Variants in PRIM2 observed in about 807,000 individuals in gnomAD.
PRIM2 encodes DNA primase large subunit.
PRIM2 carries 39 observed loss-of-function variants against 67.3 expected under a neutral mutation model. That is an observed-to-expected ratio of 0.58 (90% CI 0.45 to 0.76). PRIM2 has a LOEUF of 0.76. Ranked by LOEUF, PRIM2 falls within the 30% of genes least tolerant of loss-of-function variation. The probability of loss-of-function intolerance (pLI) is 0.00; values close to 1 mark genes in which losing one functional copy is unlikely to be tolerated. For missense variants in PRIM2, 398 were observed against 598.7 expected (o/e 0.66, Z 3.50); for synonymous variants, 143 against 198.7 (o/e 0.72, Z 2.36).
At chr6:57,227,001 T>C in the PRIM2 span, among the ~76,000 whole-genome samples, 1 of 152,212 alleles carries the variant, frequency 6.6e-6, no homozygotes, top group African/African-American at 2.4e-5. Flanking sequence ...TATTATGGTC[T>C]AGTGTGTTCC....
chr6:57,289,969 T>G, the PRIM2 span, among the ~76,000 whole-genome samples: 1 of 152,220 alleles, frequency 6.6e-6, no homozygotes, highest in Non-Finnish European at 1.5e-5. Context: ...TAACCTTAAA[T>G]GTAAATGGGC....
In PRIM2 at chr6:57,555,755, A is replaced by G. The variant is rs1392045460; in HGVS notation, c.1020+18130A>G. The stretch of plus-strand genomic sequence containing the variant: ...GGATGGGCCATACCACAAACACTAG[A>G]TAAGCTTTATGACATTGTCTTCTTC... On this transcript the variant is annotated intron_variant, in intron 10 of 13. Coordinates refer to ENST00000615550, the MANE Select transcript of PRIM2 (RefSeq NM_000947.5). 2.6e-5 allele frequency among the ~76,000 whole-genome samples: 4 copies of G among 152,270 alleles called. No homozygotes were observed. The East Asian group carries it at 7.7e-4, about 29-fold the overall frequency.
intron 7 of PRIM2, among the ~76,000 whole-genome samples, chr6:57,415,386 T>TA (rs1771226977): frequency 6.6e-6 from 1 of 152,224 alleles, no homozygotes. Flanking sequence ...ATGTAAAACT[T>TA]ATGTTTACAA....
At chr6:57,610,505 A>G (rs1329910809) in intron 12 of PRIM2, among the ~76,000 whole-genome samples, 18 of 152,242 alleles carry the variant, frequency 1.2e-4, no homozygotes, top group African/African-American at 4.3e-4. Flanking sequence ...TAACCTTAAT[A>G]TGTTACAAAA....
At chr6:57,380,583 A>G (rs1769928742) in intron 6 of PRIM2, among the ~76,000 whole-genome samples, 1 of 152,174 alleles carries the variant, frequency 6.6e-6, no homozygotes, top group Non-Finnish European at 1.5e-5. Flanking sequence ...AAGAGGGAAG[A>G]GTTTAAATTC....
intron 10 of PRIM2, among the ~76,000 whole-genome samples, chr6:57,588,871 A>G (rs1776239702): frequency 1.3e-5 from 2 of 152,182 alleles, no homozygotes; most frequent in African/African-American, 2.4e-5. Context: ...CTGTTTGGAA[A>G]GTCAGTTCCA....
chr6:57,314,068 C>G (rs1045265466), upstream of PRIM2, among the ~76,000 whole-genome samples: 2 of 152,194 alleles, frequency 1.3e-5, no homozygotes, highest in African/African-American at 4.8e-5. Context: ...ACAGGCTAAA[C>G]TAGGAAGCCA....
At chr6:57,288,896 C>T in the PRIM2 span, among the ~76,000 whole-genome samples, 18 of 152,188 alleles carry the variant, frequency 1.2e-4, no homozygotes, top group Admixed American at 1.1e-3. Flanking sequence ...CACCTCTTCT[C>T]CTCCAAAGGA....
chr6:57,536,019 C>T (rs1250466692), intron 9 of PRIM2, among the ~76,000 whole-genome samples: 1 of 152,070 alleles, frequency 6.6e-6, no homozygotes, highest in Non-Finnish European at 1.5e-5. Context: ...CAAAAATGGT[C>T]TCATGAAAAG....
chr6:57,261,506 T>C, the PRIM2 span, among the ~76,000 whole-genome samples: 1 of 152,200 alleles, frequency 6.6e-6, no homozygotes, highest in Non-Finnish European at 1.5e-5. Flanking sequence ...TTCTCTGTGA[T>C]ACGGAACAGG....
At chr6:57,323,891 A>G (rs1441195010) in intron 3 of PRIM2, among the ~76,000 whole-genome samples, 2 of 152,114 alleles carry the variant, frequency 1.3e-5, no homozygotes, top group African/African-American at 4.8e-5. Flanking sequence ...GTTCATAACC[A>G]GCCTAGGCAA....
intron 11 of PRIM2, among the ~76,000 whole-genome samples, chr6:57,602,498 A>C (rs1473794973): frequency 4.6e-5 from 7 of 152,186 alleles, no homozygotes; most frequent in Non-Finnish European, 8.8e-5. Context: ...TGTCTTCTAA[A>C]GTTTGAAAAC....
intron 7 of PRIM2, among the ~76,000 whole-genome samples, chr6:57,454,772 T>A (rs1201689962): frequency 1.3e-5 from 2 of 152,226 alleles, no homozygotes; most frequent in Non-Finnish European, 2.9e-5. Flanking sequence ...GGTTTTTTTG[T>A]GTCTCTATTT....
chr6:57,283,934 A>G, the PRIM2 span, among the ~76,000 whole-genome samples: 5 of 152,122 alleles, frequency 3.3e-5, no homozygotes, highest in Admixed American at 3.3e-4. Context: ...CCTTTTAAGT[A>G]GGGTGATTAT....
At chr6:57,257,564 C>T in the PRIM2 span, among the ~76,000 whole-genome samples, 1 of 152,146 alleles carries the variant, frequency 6.6e-6, no homozygotes, top group Non-Finnish European at 1.5e-5. Context: ...AGCCATCGCG[C>T]CCAGACTGTA....
intron 7 of PRIM2, among the ~76,000 whole-genome samples, chr6:57,489,309 C>A (rs1330864641): frequency 1.3e-5 from 2 of 152,204 alleles, no homozygotes; most frequent in African/African-American, 2.4e-5. Context: ...GTAATCCCAG[C>A]ACTTTGGGAG....
intron 7 of PRIM2, among the ~76,000 whole-genome samples, chr6:57,392,396 A>G (rs965438185): frequency 1.3e-5 from 2 of 152,094 alleles, no homozygotes; most frequent in African/African-American, 4.8e-5. Context: ...ATAGCTGAAT[A>G]GTGACTTTAT....
intron 12 of PRIM2, among the ~76,000 whole-genome samples, chr6:57,617,978 C>G (rs1776784457): frequency 6.6e-6 from 1 of 152,190 alleles, no homozygotes; most frequent in Non-Finnish European, 1.5e-5. Flanking sequence ...TTTTCTAACA[C>G]TATTTCTTGA....
chr6:57,399,511 A>G (rs6459215), intron 7 of PRIM2, among the ~76,000 whole-genome samples: 95,196 of 151,968 alleles, frequency 0.63, 30,168 homozygotes, highest in African/African-American at 0.72. Flanking sequence ...ACGTGTGCAT[A>G]TGTCTTTATA....
Sources: allele counts gnomAD v4.1 joint callset (sites outside exome capture counted in the v4.1 genomes callset), GRCh38; gene constraint gnomAD v4.1.1; transcripts MANE v1.5; gene names NCBI Gene and HGNC (gene_info 2026-07-23, HGNC 2026-07-21).